The following RSU1 variants were observed in gnomAD, a reference collection of about 807,000 sequenced individuals.
RSU1 encodes the protein rsu-1.
RSU1 carries 26 observed loss-of-function variants against 31.1 expected under a neutral mutation model. The observed-to-expected ratio is 0.84, with a 90% confidence interval of 0.61 to 1.16. The LOEUF (loss-of-function observed/expected upper bound fraction) is 1.16. Ranked by LOEUF, RSU1 falls within the 50% of genes most tolerant of loss-of-function variation. RSU1 has a pLI of 0.00. For synonymous variants in RSU1, 164 were observed against 136.3 expected, an observed-to-expected ratio of 1.20 and a Z score of -1.41; for missense variants, 320 against 339.1, an observed-to-expected ratio of 0.94 and a Z score of 0.44.
At chr10:16,782,489 T>C (rs996705351) in intron 2 of RSU1, among the ~76,000 whole-genome samples, 10 of 152,192 alleles carry the variant, frequency 6.6e-5, no homozygotes, top group African/African-American at 2.4e-4. Context: ...TTAATTATTA[T>C]TATTTTTGAA....
At chr10:16,676,507 C>A (rs776337927) in intron 8 of RSU1, among the ~76,000 whole-genome samples, 1 of 152,166 alleles carries the variant, frequency 6.6e-6, no homozygotes, top group Non-Finnish European at 1.5e-5. Context: ...ATGGAAGCTA[C>A]AATTCAAGAT....
chr10:16,724,060 C>T (rs555584259), intron 7 of RSU1, among the ~76,000 whole-genome samples: 98 of 152,222 alleles, frequency 6.4e-4, no homozygotes, highest in African/African-American at 1.4e-3. Flanking sequence ...CCTGCCTCAG[C>T]CTCCCCAATA....
chr10:16,593,487 G>C lies in RSU1; in HGVS notation c.741C>G (p.Gly247=), dbSNP rs770397861. The change falls in exon 9 of 9, where the codon GGC becomes GGG. Residue 247 remains glycine, a synonymous_variant. Coordinates refer to ENST00000345264, the MANE Select transcript of RSU1 (RefSeq NM_012425.4). ...GTTCTGGGTTGGCCTGCATGTGTCT[G>C]CCGTAGAGGCTGCAAAGACAGAGAA... ...IRSETYKYLY[G]RHMQANPEPP... 6.2e-7 allele frequency: 1 copy of C among 1,613,426 alleles called. No individual in the cohort carries two copies. Among genetic ancestry groups the C allele is most frequent in the South Asian group, 1.1e-5 (1 of 91,064 alleles).
intron 7 of RSU1, among the ~76,000 whole-genome samples, chr10:16,707,030 A>G (rs1835919835): frequency 1.3e-5 from 2 of 152,208 alleles, no homozygotes; most frequent in African/African-American, 2.4e-5. Flanking sequence ...ATTATTTCAC[A>G]AAACATGACT....
At chr10:16,805,406 T>G (rs921422690) in intron 2 of RSU1, among the ~76,000 whole-genome samples, 1 of 152,048 alleles carries the variant, frequency 6.6e-6, no homozygotes, top group Non-Finnish European at 1.5e-5. Context: ...GAGCGGTGGC[T>G]CACGCCTGTA....
intron 8 of RSU1, among the ~76,000 whole-genome samples, chr10:16,668,601 G>GT (rs927801395): frequency 3.9e-5 from 6 of 151,970 alleles, no homozygotes; most frequent in Admixed American, 1.3e-4. Context: ...ATTGAACATG[G>GT]TTTTTTTTCC....
intron 8 of RSU1, among the ~76,000 whole-genome samples, chr10:16,676,812 T>C (rs765094708): frequency 6.6e-6 from 1 of 152,110 alleles, no homozygotes; most frequent in Non-Finnish European, 1.5e-5. Flanking sequence ...GTTATACAGG[T>C]TGAGTATCCC....
chr10:16,695,195 A>G (rs1357081358), intron 7 of RSU1, 40 bp from the exon 8 acceptor site: 3 of 1,579,072 alleles, frequency 1.9e-6, no homozygotes, highest in Admixed American at 1.7e-5. Flanking sequence ...CACTTCATCC[A>G]ATACAGATCA....
chr10:16,688,147 G>A (rs1835473371), intron 8 of RSU1, among the ~76,000 whole-genome samples: 1 of 152,150 alleles, frequency 6.6e-6, no homozygotes, highest in Admixed American at 6.5e-5. Context: ...AATAAGAGAT[G>A]TGACACAATA....
chr10:16,685,517 T>G (rs1564316407), intron 8 of RSU1, among the ~76,000 whole-genome samples: 1 of 152,144 alleles, frequency 6.6e-6, no homozygotes, highest in Non-Finnish European at 1.5e-5. Context: ...GATTATTCAT[T>G]CCTCTCCTTT....
At chr10:16,752,869 A>G in intron 6 of RSU1, 49 bp downstream of exon 6, 1 of 1,511,436 alleles carries the variant, frequency 6.6e-7, no homozygotes. Flanking sequence ...TACCCCTACA[A>G]GGCTGCAGCA....
At chr10:16,672,358 C>G (rs1262504700) in intron 8 of RSU1, among the ~76,000 whole-genome samples, 5 of 152,078 alleles carry the variant, frequency 3.3e-5, no homozygotes, top group Non-Finnish European at 5.9e-5. Context: ...GCATTCCACT[C>G]CTAGGTGTTT....
chr10:16,720,451 C>A (rs1011956315), intron 7 of RSU1, among the ~76,000 whole-genome samples: 2 of 152,258 alleles, frequency 1.3e-5, no homozygotes, highest in African/African-American at 4.8e-5. Flanking sequence ...CTTAGATAAT[C>A]TCTGAATATT....
Position 16,655,645 on chromosome 10 carries a change from C to T in RSU1, c.731+39378G>A, listed in dbSNP as rs182298447. ...TTAAAGCATATGCCTATAATACAGG[C>T]ATACCTTGTTTTCTTATGCTTTGGA... On this transcript the variant is annotated intron_variant, in intron 8 of 8. Transcript: ENST00000345264. 4.6e-5 allele frequency among the ~76,000 whole-genome samples: 7 copies of T among 152,248 alleles called. No homozygotes were observed. In the East Asian group the frequency reaches 1.3e-3, roughly 29 times the overall value.
At chr10:16,764,171 G>T (rs1216760107) in intron 4 of RSU1, among the ~76,000 whole-genome samples, 2 of 151,972 alleles carry the variant, frequency 1.3e-5, no homozygotes, top group Admixed American at 1.3e-4. Flanking sequence ...TCCTTATTGC[G>T]CCAACAATTA....
chr10:16,593,411 C>A lies in RSU1; in HGVS notation c.817G>T (p.Ala273Ser). ...KSKKISRKPL[A>S]AKNR Reference sequence around the variant, plus strand: ...TCCCTTCCTTATCTGTTCTTGGCTGCCAGGGGTTTCCGGCTGATCTTTTTC... The same window carrying A: ...TCCCTTCCTTATCTGTTCTTGGCTGACAGGGGTTTCCGGCTGATCTTTTTC... Residue 273 changes from alanine (A) to serine (S), a missense_variant, in exon 9 of 9, where the codon GCA becomes TCA. By Grantham distance (99) the Ala-to-Ser change is moderately conservative. Coordinates refer to ENST00000345264, the MANE Select transcript of RSU1 (RefSeq NM_012425.4). The A allele has an allele frequency of 6.2e-7, 1 of 1,614,026 alleles. No homozygotes were observed. Among genetic ancestry groups the A allele is most frequent in the Non-Finnish European group, 8.5e-7 (1 of 1,179,986 alleles).
intron 2 of RSU1, among the ~76,000 whole-genome samples, chr10:16,790,308 T>C (rs1362980723): frequency 6.6e-6 from 1 of 152,092 alleles, no homozygotes; most frequent in Non-Finnish European, 1.5e-5. Flanking sequence ...CCTGGAATGG[T>C]CTTGGATTAT....
intron 8 of RSU1, among the ~76,000 whole-genome samples, chr10:16,671,537 C>G (rs1326023056): frequency 6.6e-6 from 1 of 152,094 alleles, no homozygotes; most frequent in Non-Finnish European, 1.5e-5. Flanking sequence ...TATCCTTAAT[C>G]TCCTGGGCTC....
intron 8 of RSU1, among the ~76,000 whole-genome samples, chr10:16,674,798 G>A (rs539307419): frequency 2.5e-4 from 38 of 152,242 alleles, no homozygotes; most frequent in African/African-American, 6.7e-4. Context: ...GTGGGAGGCC[G>A]AGGTGGGCAG....
Sources: gnomAD v4.1 joint callset for allele counts (sites outside exome capture counted in the v4.1 genomes callset) on GRCh38, gnomAD v4.1.1 for gene constraint, MANE v1.5 for transcripts, NCBI Gene and HGNC (gene_info 2026-07-23, HGNC 2026-07-21) for gene names.